FSHR: variants seen among roughly 807,000 people sequenced by gnomAD.
FSHR encodes the protein follicle stimulating hormone receptor.
A neutral mutation model predicts 52.1 loss-of-function variants in FSHR; 46 were observed. That is an observed-to-expected ratio of 0.88 (90% confidence interval 0.70 to 1.13). FSHR has a LOEUF of 1.13. FSHR is among the 50% of genes most tolerant of loss of function. The pLI, the probability that FSHR is intolerant of heterozygous loss-of-function variation, is 0.00. For synonymous variants in FSHR, 399 were observed against 309.6 expected (o/e 1.29, Z -3.03); for missense variants, 964 against 834.6 (o/e 1.16, Z -1.91).
intron 2 of FSHR, among the ~76,000 whole-genome samples, chr2:49,045,117 G>A (rs1228317658): frequency 6.6e-6 from 1 of 152,126 alleles, no homozygotes; most frequent in African/African-American, 2.4e-5. Context: ...TCTATCATTT[G>A]GCTAATAGCA....
chr2:48,997,756 C>T (rs1413912308), intron 4 of FSHR, among the ~76,000 whole-genome samples: 1 of 152,112 alleles, frequency 6.6e-6, no homozygotes, highest in Non-Finnish European at 1.5e-5. Flanking sequence ...CCACTAGGAC[C>T]TGGGTCATGT....
At chr2:48,965,843 A>T (rs1674454780) in intron 9 of FSHR, among the ~76,000 whole-genome samples, 1 of 152,262 alleles carries the variant, frequency 6.6e-6, no homozygotes, top group Admixed American at 6.5e-5. Flanking sequence ...GAACAGAAAC[A>T]AAAGTGGAAA....
chr2:49,154,274 G>A lies in FSHR; in HGVS notation c.144C>T (p.Ala48=), dbSNP rs1468271345. Residue 48 remains alanine (A), a synonymous_variant, in exon 1 of 10, where the codon GCC becomes GCT. Transcript: ENST00000406846. ...TEIPSDLPRN[A]IELRFVLTKL... ...CTCCCTCTGATACTCACAGTTCAAT[G>A]GCATTCCTCGGGAGGTCAGAAGGAA... The A allele has an allele frequency of 6.2e-7, 1 of 1,613,810 alleles. No individual in the cohort carries two copies. Among genetic ancestry groups the A allele is most frequent in the South Asian group, 1.1e-5 (1 of 91,070 alleles).
chr2:48,968,970 T>C, intron 8 of FSHR, 87 bp from the exon 9 acceptor site: 1 of 1,166,272 alleles, frequency 8.6e-7, no homozygotes, highest in East Asian at 2.5e-5. Flanking sequence ...GCAGACACAC[T>C]AGTGATATTC....
intron 4 of FSHR, among the ~76,000 whole-genome samples, chr2:49,000,785 C>T (rs1666848554): frequency 6.6e-6 from 1 of 152,094 alleles, no homozygotes; most frequent in Admixed American, 6.6e-5. Flanking sequence ...TTCATAGCTG[C>T]TCCCTCTAGC....
intron 1 of FSHR, among the ~76,000 whole-genome samples, chr2:49,094,848 AAAAGGTGGTTCTTT>A (rs1274828621): frequency 2.0e-5 from 3 of 152,126 alleles, no homozygotes; most frequent in African/African-American, 4.8e-5. Flanking sequence ...CAATAAAACC[AAAAGGTGGTTCTTT>A]AAAAAATCAT....
intron 1 of FSHR, among the ~76,000 whole-genome samples, chr2:49,145,722 A>G (rs1672845710): frequency 6.6e-6 from 1 of 152,104 alleles, no homozygotes; most frequent in South Asian, 2.1e-4. Flanking sequence ...TGGCAACTTC[A>G]TGAGGACAGG....
chr2:49,003,342 G>T (rs1226564689), intron 4 of FSHR, among the ~76,000 whole-genome samples: 1 of 152,102 alleles, frequency 6.6e-6, no homozygotes, highest in Non-Finnish European at 1.5e-5. Context: ...AGATAAACTG[G>T]ACACAGCCCT....
intron 9 of FSHR, among the ~76,000 whole-genome samples, chr2:48,967,121 G>A (rs55995841): frequency 0.011 from 1,642 of 152,070 alleles, 17 homozygotes; most frequent in Non-Finnish European, 0.016. Context: ...TTAAAGACAG[G>A]GTCTCACTCT....
chr2:49,119,803 G>C (rs1378557486), intron 1 of FSHR, among the ~76,000 whole-genome samples: 1 of 152,180 alleles, frequency 6.6e-6, no homozygotes, highest in Non-Finnish European at 1.5e-5. Context: ...TTCACACTTA[G>C]AGCTGTGTGA....
intron 1 of FSHR, among the ~76,000 whole-genome samples, chr2:49,140,990 C>T (rs1672665216): frequency 6.6e-6 from 1 of 152,162 alleles, no homozygotes; most frequent in Admixed American, 6.5e-5. Flanking sequence ...TCAGTTACTT[C>T]TGGGCACCAT....
chr2:49,052,548 A>C (rs1218569486), intron 2 of FSHR, among the ~76,000 whole-genome samples: 2 of 152,212 alleles, frequency 1.3e-5, no homozygotes, highest in African/African-American at 4.8e-5. Context: ...GGGTGTGTAC[A>C]TTATTTTTAA....
intron 1 of FSHR, among the ~76,000 whole-genome samples, chr2:49,140,527 A>C (rs1250535682): frequency 6.6e-6 from 1 of 151,958 alleles, no homozygotes; most frequent in African/African-American, 2.4e-5. Context: ...ATAGTACTGC[A>C]AGAATGGCCT....
At position 49,000,474 on chromosome 2, in the gene FSHR, G is replaced by A. The variant is rs190426225; in HGVS notation, c.375-9837C>T. ...TTGGAGCAAGCTATCGGATACCTCC[G>A]TGGCTAAGGCAGAGCTCAGTGTAGC... On this transcript the variant is annotated intron_variant, in intron 4 of 9. Transcript: ENST00000406846. 2.0e-4 allele frequency among the ~76,000 whole-genome samples: 31 copies of A among 152,250 alleles called. No homozygotes were observed. The East Asian group carries it at 4.1e-3, about 20-fold the overall frequency.
chr2:49,148,701 C>A (rs370303040), intron 1 of FSHR, among the ~76,000 whole-genome samples: 3 of 151,948 alleles, frequency 2.0e-5, no homozygotes, highest in East Asian at 3.9e-4. Context: ...AAGAGGCAAC[C>A]TTTGAGCAAG....
intron 2 of FSHR, among the ~76,000 whole-genome samples, chr2:49,046,328 T>C (rs1668651613): frequency 6.6e-6 from 1 of 152,218 alleles, no homozygotes; most frequent in Non-Finnish European, 1.5e-5. Flanking sequence ...TTATATTATC[T>C]GGGCTACACT....
chr2:49,012,154 T>C (rs1013246774), intron 4 of FSHR, among the ~76,000 whole-genome samples: 2 of 152,136 alleles, frequency 1.3e-5, no homozygotes, highest in African/African-American at 4.8e-5. Context: ...AATGGAATTA[T>C]GGTTTATTGA....
chr2:48,992,148 C>T (rs940164391), intron 4 of FSHR, among the ~76,000 whole-genome samples: 3 of 151,716 alleles, frequency 2.0e-5, no homozygotes, highest in African/African-American at 4.9e-5. Flanking sequence ...AAAAGAGGTT[C>T]TTTTTTGAAG....
chr2:49,111,702 G>A (rs1314396421), intron 1 of FSHR, among the ~76,000 whole-genome samples: 1 of 152,056 alleles, frequency 6.6e-6, no homozygotes, highest in East Asian at 1.9e-4. Context: ...TGCTCCCCAC[G>A]GCTCCTCAGC....
Sources: gnomAD v4.1 joint callset for allele counts (sites outside exome capture counted in the v4.1 genomes callset) on GRCh38, gnomAD v4.1.1 for gene constraint, MANE v1.5 for transcripts, NCBI Gene and HGNC (gene_info 2026-07-23, HGNC 2026-07-21) for gene names.